The following FAT3 variants were observed in gnomAD, a reference collection of about 807,000 sequenced individuals.
FAT3 encodes protocadherin Fat 3.
FAT3 carries 95 observed loss-of-function variants against 310.2 expected under a neutral mutation model. The observed-to-expected ratio is 0.31, with a 90% CI of 0.26 to 0.36. The LOEUF (loss-of-function observed/expected upper bound fraction) is 0.36. Ranked by LOEUF, FAT3 falls within the 10% of genes least tolerant of loss-of-function variation. FAT3 has a pLI of 1.00. For synonymous variants in FAT3, 2,314 were observed against 2,192.9 expected (o/e 1.06, Z -1.54); for missense variants, 5,408 against 5,715.6 (o/e 0.95, Z 1.74).
chr11:92,587,222 C>T (rs1939202050), intron 3 of FAT3, among the ~76,000 whole-genome samples: 1 of 151,910 alleles, frequency 6.6e-6, no homozygotes, highest in African/African-American at 2.4e-5. Context: ...ACACAGAAAC[C>T]TCGATCTATA....
rs370345078 is a variant in FAT3, at chr11:92,798,890, T to C, written c.5877T>C (p.Asp1959=). 44 of 1,613,842 alleles carry C rather than the reference T, an allele frequency of 2.7e-5. No individual in the cohort carries two copies. The African/African-American group carries it at 5.3e-4, about 20-fold the overall frequency. Residue 1959 remains aspartate, a synonymous_variant, in exon 10 of 28, where the codon GAT becomes GAC. Coordinates refer to ENST00000525166, the MANE Select transcript of FAT3 (RefSeq NM_001367949.2). The stretch of plus-strand genomic sequence containing the variant: ...ACATGCTGATAGTTAAGGTGTCTGA[T>C]GGAAAGTTCTACAGTACCTCCATGG... ...DHYMLIVKVS[D]GKFYSTSMVT...
intron 13 of FAT3, 137 bp downstream of exon 13, chr11:92,810,213 T>C (rs1947631223): frequency 1.4e-6 from 1 of 720,574 alleles, no homozygotes; most frequent in South Asian, 1.9e-5. Flanking sequence ...AAACCCCATT[T>C]CAGCTATTCA....
intron 4 of FAT3, among the ~76,000 whole-genome samples, chr11:92,728,246 T>C (rs1394463796): frequency 1.3e-5 from 2 of 152,222 alleles, no homozygotes; most frequent in Non-Finnish European, 2.9e-5. Flanking sequence ...GTTTTTTGTT[T>C]GTTTGTTTGT....
intron 1 of FAT3, among the ~76,000 whole-genome samples, chr11:92,277,728 T>C (rs1362637595): frequency 6.6e-6 from 1 of 151,784 alleles, no homozygotes; most frequent in East Asian, 1.9e-4. Flanking sequence ...AGGGCAAGGG[T>C]TGAAAAGCTA....
chr11:92,617,507 C>T (rs895404040), intron 3 of FAT3, among the ~76,000 whole-genome samples: 1 of 152,136 alleles, frequency 6.6e-6, no homozygotes, highest in Non-Finnish European at 1.5e-5. Context: ...TTCTCTGTCC[C>T]ACTTTGTTCC....
At chr11:92,499,713 A>ATGTGTGTGTG (rs1236694038) in intron 2 of FAT3, among the ~76,000 whole-genome samples, 7 of 119,310 alleles carry the variant, frequency 5.9e-5, no homozygotes, top group African/African-American at 2.3e-4. Context: ...GTGTGTGTGT[A>ATGTGTGTGTG]TGTGTGTGTA....
At position 92,391,007 on chromosome 11, in the gene FAT3, GATT is replaced by G. The variant is rs367641393; in HGVS notation, c.3292+35604_3292+35606del. Among the ~76,000 whole-genome samples the G allele has an allele frequency of 2.5e-3, 384 of 152,152 alleles. 1 individual carries two copies. The highest frequency in any genetic ancestry group is 8.7e-3 in the African/African-American group (361 of 41,532). ...CAAAGCTGTCTTTTGTTTGCCTGTTGATTTGTGTGACTTGATAAAATTCTCTAC... is the reference window on the plus strand; with the variant it reads ...CAAAGCTGTCTTTTGTTTGCCTGTTGTGTGTGACTTGATAAAATTCTCTAC... On this transcript the variant is annotated intron_variant, in intron 2 of 27. Transcript: ENST00000525166.
chr11:92,291,880 T>G (rs1946705462), intron 1 of FAT3, among the ~76,000 whole-genome samples: 1 of 152,108 alleles, frequency 6.6e-6, no homozygotes, highest in Non-Finnish European at 1.5e-5. Context: ...GGCCAACTCC[T>G]TGTACTTTGG....
rs1316168333 is a variant in FAT3, at chr11:92,447,220, TGC to T, written c.3293-77412_3293-77411del. On this transcript the variant is annotated intron_variant, in intron 2 of 27. Transcript: ENST00000525166. ...TCATATATATGTGTATGTATATGTG[TGC>T]GTGTGTGTGTGTGTGTGTGTGTGTG... Among the ~76,000 whole-genome samples the T allele has an allele frequency of 6.6e-4, 63 of 96,154 alleles. 1 individual carries two copies. Among genetic ancestry groups the T allele is most frequent in the East Asian group, 2.9e-3 (9 of 3,068 alleles). The allele number at this position is 96,154 out of a possible 152,430, so 63.1% of individuals were successfully genotyped here. A position where few individuals can be genotyped will look rare whatever the true frequency, so the allele number is the denominator to read the frequency against.
chr11:92,590,732 C>T (rs750820789), intron 3 of FAT3, among the ~76,000 whole-genome samples: 3 of 151,990 alleles, frequency 2.0e-5, no homozygotes, highest in Non-Finnish European at 2.9e-5. Flanking sequence ...ATTGCCTATT[C>T]ATTATATGCT....
chr11:92,769,400 C>A (rs1233858219), intron 6 of FAT3, among the ~76,000 whole-genome samples: 3 of 152,224 alleles, frequency 2.0e-5, no homozygotes, highest in Non-Finnish European at 4.4e-5. Flanking sequence ...TATCACATAT[C>A]TTCACACTTC....
At chr11:92,719,584 A>G (rs1003899354) in intron 4 of FAT3, among the ~76,000 whole-genome samples, 1 of 149,310 alleles carries the variant, frequency 6.7e-6, no homozygotes, top group South Asian at 2.1e-4. Context: ...ATACTATATT[A>G]CTTAGGAAAC....
At chr11:92,585,389 T>A (rs975097808) in intron 3 of FAT3, among the ~76,000 whole-genome samples, 1 of 152,086 alleles carries the variant, frequency 6.6e-6, no homozygotes, top group Admixed American at 6.6e-5. Context: ...GATTGGTAGA[T>A]ATGAAAATAT....
intron 2 of FAT3, among the ~76,000 whole-genome samples, chr11:92,512,962 A>T (rs1313514928): frequency 1.0e-5 from 1 of 100,236 alleles, no homozygotes; most frequent in Non-Finnish European, 1.9e-5. Flanking sequence ...CTCTACTAAA[A>T]ATACAAAAAA....
At chr11:92,661,401 T>C (rs1942775470) in intron 3 of FAT3, among the ~76,000 whole-genome samples, 1 of 152,208 alleles carries the variant, frequency 6.6e-6, no homozygotes, top group Non-Finnish European at 1.5e-5. Context: ...CCCACAGCTC[T>C]GAGAGGAGAT....
At chr11:92,644,522 A>G (rs1204981595) in intron 3 of FAT3, among the ~76,000 whole-genome samples, 1 of 151,844 alleles carries the variant, frequency 6.6e-6, no homozygotes, top group African/African-American at 2.4e-5. Context: ...CCTTGTGCCT[A>G]AAATAAAATG....
rs62622785 is a variant in FAT3 at position 92,805,239 on chromosome 11, C to A, written c.8983C>A (p.Gln2995Lys). ...YVKRPLDREE[Q>K]DIYFLNITAT... ...GAAGAGGCCTCTAGACAGAGAAGAA[C>A]AGGACATTTACTTTCTCAATATCAC... Residue 2995 changes from glutamine (Q) to lysine (K), a missense_variant, in exon 11 of 28, where the codon CAG (glutamine) becomes AAG (lysine). By Grantham distance (53) the Gln-to-Lys change is moderately conservative. This residue lies in a region of FAT3 where 4,588 missense variants were observed against 4,809.8 expected (regional missense o/e 0.95). Transcript: ENST00000525166. 68,968 of 1,613,760 alleles carry A rather than the reference C, an allele frequency of 0.043. 1,713 individuals carry two copies. The highest frequency in any genetic ancestry group is 0.063 in the Middle Eastern group (384 of 6,060).
intron 2 of FAT3, among the ~76,000 whole-genome samples, chr11:92,382,227 G>T (rs1949512233): frequency 6.6e-6 from 1 of 152,158 alleles, no homozygotes; most frequent in Non-Finnish European, 1.5e-5. Flanking sequence ...AAATTTGAAA[G>T]TTGCGTGAGT....
intron 4 of FAT3, among the ~76,000 whole-genome samples, chr11:92,719,394 C>T (rs938627020): frequency 2.0e-5 from 3 of 152,124 alleles, no homozygotes; most frequent in Middle Eastern, 3.4e-3. Flanking sequence ...TCTCAATATC[C>T]GTGGAGGATT....
Sources: gnomAD v4.1 joint callset for allele counts (sites outside exome capture counted in the v4.1 genomes callset) on GRCh38, gnomAD v4.1.1 for gene constraint, gnomAD v4.1.1 regional missense constraint, MANE v1.5 for transcripts, NCBI Gene and HGNC (gene_info 2026-07-23, HGNC 2026-07-21) for gene names.